LRRTM3: variants seen among roughly 807,000 people sequenced by gnomAD.
LRRTM3 encodes leucine rich repeat transmembrane neuronal 3, also known as leucine-rich repeat transmembrane neuronal protein 3.
A neutral mutation model predicts 44.7 loss-of-function variants in LRRTM3; 24 were observed. The ratio of observed to expected loss-of-function variants is 0.54; its 90% CI spans 0.39 to 0.76. The LOEUF (loss-of-function observed/expected upper bound fraction) is 0.76. Among genes scored for constraint, LRRTM3 ranks in the 30% least tolerant of loss-of-function variants. The probability of loss-of-function intolerance (pLI) is 0.00; values close to 1 mark genes in which losing one functional copy is unlikely to be tolerated. For synonymous variants in LRRTM3, 277 were observed against 278.7 expected (o/e 0.99, Z 0.06); for missense variants, 587 against 702.2 (o/e 0.84, Z 1.85).
At chr10:67,019,880 T>C (rs886433990) in intron 2 of LRRTM3, among the ~76,000 whole-genome samples, 1 of 152,214 alleles carries the variant, frequency 6.6e-6, no homozygotes, top group Admixed American at 6.5e-5. Context: ...TTTTCTCCAT[T>C]GCTGTAATTC....
intron 2 of LRRTM3, among the ~76,000 whole-genome samples, chr10:67,043,738 G>T (rs935376928): frequency 4.0e-5 from 6 of 151,892 alleles, no homozygotes; most frequent in African/African-American, 1.5e-4. Flanking sequence ...ATCTATCATT[G>T]GTATTTGTGC....
chr10:67,043,625 A>AT (rs917537687), intron 2 of LRRTM3, among the ~76,000 whole-genome samples: 55 of 151,734 alleles, frequency 3.6e-4, no homozygotes, highest in Non-Finnish European at 5.7e-4. Context: ...ATTAACAATG[A>AT]TTTTTTTTTA....
At chr10:66,970,500 G>A (rs1301308835) in intron 2 of LRRTM3, among the ~76,000 whole-genome samples, 4 of 127,108 alleles carry the variant, frequency 3.1e-5, no homozygotes, top group Non-Finnish European at 7.3e-5. Context: ...TATATTCTTG[G>A]GTGGGGGGGG....
rs547658801 is a variant in LRRTM3, at chr10:67,075,881, C to A, written c.1537-21706C>A. On this transcript the variant is annotated intron_variant, in intron 2 of 2. Coordinates refer to ENST00000361320, the MANE Select transcript of LRRTM3 (RefSeq NM_178011.5). Reference sequence around the variant, plus strand: ...AATCTGAGCTTTCAATCAACAATTTCTTTCAACGAAGGTGTGGAGCATGGA... The same window carrying A: ...AATCTGAGCTTTCAATCAACAATTTATTTCAACGAAGGTGTGGAGCATGGA... Among the ~76,000 whole-genome samples the A allele has an allele frequency of 9.8e-5, 15 of 152,340 alleles. No individual in the cohort carries two copies. In the South Asian group the frequency reaches 1.7e-3, roughly 17 times the overall value.
At chr10:66,928,965 A>T (rs1384651532) in intron 2 of LRRTM3, among the ~76,000 whole-genome samples, 1 of 152,196 alleles carries the variant, frequency 6.6e-6, no homozygotes. Context: ...CCAATGCCTG[A>T]CTTAGAAAAG....
chr10:67,067,592 C>T (rs184089594), intron 2 of LRRTM3, among the ~76,000 whole-genome samples: 6 of 152,250 alleles, frequency 3.9e-5, no homozygotes, highest in Admixed American at 3.9e-4. Flanking sequence ...GTTCCCCAAG[C>T]TTATCTAATA....
At position 66,927,244 on chromosome 10, in the gene LRRTM3, A is replaced by G. The variant is rs777943604; in HGVS notation, c.328A>G (p.Arg110Gly). The stretch of plus-strand genomic sequence containing the variant: ...CGAAAATGCTTTTAATGGAATACGC[A>G]GACTCAAAGAGCTGATTCTTAGTTC... ...IDENAFNGIR[R>G]LKELILSSNR... Residue 110 changes from arginine (R) to glycine (G), a missense_variant, in exon 2 of 3, where the codon AGA becomes GGA. By Grantham distance (125) the Arg-to-Gly change is moderately radical (BLOSUM62 -2). Around this residue, in one of 3 missense-constraint regions of LRRTM3, gnomAD observed 222 missense variants for 323.3 expected, o/e 0.69. Transcript: ENST00000361320. This position sits in a 1 kb window ranked among gnomAD's most constrained non-coding sequence, Gnocchi z 4.7. The G allele has an allele frequency of 3.7e-6, 6 of 1,614,138 alleles. No individual in the cohort carries two copies. The Admixed American group carries it at 8.3e-5, about 22-fold the overall frequency.
intron 2 of LRRTM3, among the ~76,000 whole-genome samples, chr10:67,047,039 A>G (rs1005038263): frequency 6.6e-6 from 1 of 152,212 alleles, no homozygotes; most frequent in African/African-American, 2.4e-5. Context: ...AGGGTCCAGG[A>G]GCACTGCCTG....
intron 2 of LRRTM3, among the ~76,000 whole-genome samples, chr10:66,985,231 G>A (rs376378756): frequency 1.3e-5 from 2 of 152,150 alleles, no homozygotes; most frequent in Non-Finnish European, 2.9e-5. Context: ...TAGTAAAGGG[G>A]TGATTTATAG....
chr10:66,983,802 A>T (rs1202398163), intron 2 of LRRTM3, among the ~76,000 whole-genome samples: 1 of 152,198 alleles, frequency 6.6e-6, no homozygotes, highest in Non-Finnish European at 1.5e-5. Flanking sequence ...TGCTGTTAAA[A>T]TGTACTACCT....
chr10:67,041,072 T>A (rs1854361705), intron 2 of LRRTM3, among the ~76,000 whole-genome samples: 1 of 152,176 alleles, frequency 6.6e-6, no homozygotes. Context: ...ATTGTACTGA[T>A]AATAAGATTA....
intron 2 of LRRTM3, among the ~76,000 whole-genome samples, chr10:67,023,262 C>G (rs1266060567): frequency 6.6e-6 from 1 of 152,126 alleles, no homozygotes; most frequent in East Asian, 1.9e-4. Flanking sequence ...GAATAGGCCA[C>G]AGAAGATAGA....
chr10:66,995,529 T>C (rs551608474), intron 2 of LRRTM3, among the ~76,000 whole-genome samples: 2 of 152,328 alleles, frequency 1.3e-5, no homozygotes, highest in African/African-American at 4.8e-5. Flanking sequence ...CATACCTACC[T>C]GTTTAATACC....
At chr10:66,978,552 A>AAATAAAAAAAATAAAAAATATATATAT in intron 2 of LRRTM3, among the ~76,000 whole-genome samples, 1 of 37,866 alleles carries the variant, frequency 2.6e-5, no homozygotes, top group Non-Finnish European at 4.8e-5. Flanking sequence ...AAAAAAAAAA[A>AAATAAAAAAAATAAAAAATATATATAT]ATATATATAT....
Position 66,926,989 on chromosome 10 carries a change from A to G in LRRTM3, c.73A>G (p.Thr25Ala). Reference sequence around the variant, plus strand: ...GGTTATAGCCCCCACTGTCTTACTGACAATGCTTTCTTCTGCCGAACGAGG... The same window carrying G: ...GGTTATAGCCCCCACTGTCTTACTGGCAATGCTTTCTTCTGCCGAACGAGG... ...ALVIAPTVLL[T>A]MLSSAERGCP... The change falls in exon 2 of 3, where the codon ACA (threonine) becomes GCA (alanine). Residue 25 changes from threonine to alanine, a missense_variant. By Grantham distance (58) the Thr-to-Ala change is moderately conservative. This residue lies in a region of LRRTM3 where 50 missense variants were observed against 43.4 expected (regional missense o/e 1.15). Transcript: ENST00000361320. 6.2e-7 allele frequency: 1 copy of G among 1,614,140 alleles called. No individual in the cohort carries two copies. Among genetic ancestry groups the G allele is most frequent in the South Asian group, 1.1e-5 (1 of 91,078 alleles).
chr10:66,944,239 T>C (rs1297816897), intron 2 of LRRTM3, among the ~76,000 whole-genome samples: 13 of 152,224 alleles, frequency 8.5e-5, no homozygotes, highest in African/African-American at 2.2e-4. Context: ...TTTGTTATTA[T>C]TTCAACAATA....
chr10:67,051,700 G>A (rs1925600), intron 2 of LRRTM3, among the ~76,000 whole-genome samples: 53,453 of 150,608 alleles, frequency 0.35, 11,132 homozygotes, highest in East Asian at 0.51. Flanking sequence ...CACTGCACTC[G>A]GCCCACACAT....
chr10:67,015,888 T>TG (rs1852625315), intron 2 of LRRTM3, among the ~76,000 whole-genome samples: 1 of 152,156 alleles, frequency 6.6e-6, no homozygotes, highest in Non-Finnish European at 1.5e-5. Context: ...CTAGTATCTA[T>TG]GCTTGTGACT....
In LRRTM3 at chr10:67,100,528, T is replaced by C. The variant is rs927653869; in HGVS notation, c.*2732T>C. Among the ~76,000 whole-genome samples, 1 of 151,762 alleles carries C rather than the reference T, an allele frequency of 6.6e-6. No individual in the cohort carries two copies. Among genetic ancestry groups the C allele is most frequent in the African/African-American group, 2.4e-5 (1 of 41,396 alleles). ...GTCTAAAACTTGCATTTCTAACCTA[T>C]CTTTTCCAGCATTTGATAATCTCCC... On this transcript the variant is annotated 3_prime_UTR_variant, in exon 3 of 3. Transcript: ENST00000361320.
Sources: allele counts gnomAD v4.1 joint callset (sites outside exome capture counted in the v4.1 genomes callset), GRCh38; gene constraint gnomAD v4.1.1; regional missense constraint gnomAD v4.1.1; non-coding constraint Gnocchi (gnomAD v3.1); transcripts MANE v1.5; gene names NCBI Gene and HGNC (gene_info 2026-07-23, HGNC 2026-07-21).